The following VPS13B variants were observed in gnomAD, a reference collection of about 807,000 sequenced individuals.
VPS13B encodes the protein intermembrane lipid transfer protein VPS13B.
In VPS13B, 285 loss-of-function variants were observed where a neutral mutation model predicts 426.4. The ratio of observed to expected loss-of-function variants is 0.67; its 90% CI spans 0.61 to 0.74. The LOEUF (loss-of-function observed/expected upper bound fraction) is 0.74, where lower values mean the gene tolerates loss of function less well. Among genes scored for constraint, VPS13B ranks in the 30% least tolerant of loss-of-function variants. The pLI is 0.00. For synonymous variants in VPS13B, 1,676 were observed against 1,676.4 expected (o/e 1.00, Z 0.01); for missense variants, 4,537 against 4,782.6 (o/e 0.95, Z 1.51).
intron 3 of VPS13B, among the ~76,000 whole-genome samples, chr8:99,063,464 A>C (rs545519674): frequency 4.6e-5 from 7 of 152,318 alleles, no homozygotes; most frequent in Non-Finnish European, 7.4e-5. Context: ...AGCCTTGCTC[A>C]CTGCTAGTGC....
intron 3 of VPS13B, among the ~76,000 whole-genome samples, chr8:99,049,274 A>G (rs183218499): frequency 4.3e-4 from 65 of 152,096 alleles, no homozygotes; most frequent in African/African-American, 1.3e-3. Flanking sequence ...TTATGCTTTA[A>G]AGAGGCTCTG....
At position 99,232,941 on chromosome 8, in the gene VPS13B, G is replaced by C. The variant is rs1296102270; in HGVS notation, c.2515+39884G>C. 6.5e-6 allele frequency: 4 copies of C among 616,962 alleles called. No individual in the cohort carries two copies. In the Admixed American group the frequency reaches 1.1e-4, roughly 18 times the overall value. The allele number at this position is 616,962 out of a possible 1,614,324, so 38.2% of individuals were successfully genotyped here. A position where few individuals can be genotyped will look rare whatever the true frequency, so the allele number is the denominator to read the frequency against. ...GCCTCCGCAGACTTCTCATTCCTCA[G>C]ATGGTCTTTGGTTTGCTTCCGATCT... On this transcript the variant is annotated intron_variant, in intron 17 of 61. Coordinates refer to ENST00000357162, the MANE Select transcript of VPS13B (RefSeq NM_152564.5).
At chr8:99,669,529 TCA>T (rs1286851767) in intron 35 of VPS13B, among the ~76,000 whole-genome samples, 19 of 152,166 alleles carry the variant, frequency 1.2e-4, no homozygotes, top group African/African-American at 4.6e-4. Flanking sequence ...CATGTCACAT[TCA>T]TCATATAATT....
At chr8:99,735,537 T>C (rs1326868581) in intron 39 of VPS13B, among the ~76,000 whole-genome samples, 2 of 152,060 alleles carry the variant, frequency 1.3e-5, no homozygotes, top group African/African-American at 4.8e-5. Flanking sequence ...CACCAGAAAC[T>C]AGGAAGAGAC....
intron 14 of VPS13B, among the ~76,000 whole-genome samples, chr8:99,154,166 T>G (rs1458128753): frequency 1.3e-5 from 2 of 151,790 alleles, no homozygotes; most frequent in South Asian, 2.1e-4. Flanking sequence ...TTTGTTTTTT[T>G]TTTTGGCATT....
At position 99,614,252 on chromosome 8, in the gene VPS13B, T is replaced by TACACAC. The variant is rs146295745; in HGVS notation, c.5221-27543_5221-27538dup. 3.5e-4 allele frequency among the ~76,000 whole-genome samples: 52 copies of TACACAC among 150,350 alleles called. 1 individual carries two copies. The highest frequency in any genetic ancestry group is 2.0e-3 in the East Asian group (10 of 5,098). On this transcript the variant is annotated intron_variant, in intron 33 of 61. Coordinates refer to ENST00000357162, the MANE Select transcript of VPS13B (RefSeq NM_152564.5). ...AAAATAGTTTTTATTTTAAATTTTATACACACACACACACACACACATATA... is the reference window on the plus strand; with the variant it reads ...AAAATAGTTTTTATTTTAAATTTTATACACACACACACACACACACACACACATATA...
chr8:99,297,535 G>GCTGA (rs10644296), intron 19 of VPS13B, among the ~76,000 whole-genome samples: 125,317 of 151,784 alleles, frequency 0.83, 52,243 homozygotes, highest in South Asian at 0.89. Context: ...AAAATCATGT[G>GCTGA]CTAATTCTTT....
chr8:99,054,810 A>C (rs1266592690), intron 3 of VPS13B, among the ~76,000 whole-genome samples: 2 of 152,288 alleles, frequency 1.3e-5, no homozygotes, highest in South Asian at 4.1e-4. Context: ...TTGGTGGTCC[A>C]AGCACTATTT....
intron 19 of VPS13B, among the ~76,000 whole-genome samples, chr8:99,312,359 G>T (rs1821035512): frequency 6.6e-6 from 1 of 152,146 alleles, no homozygotes. Context: ...TTTAGGGCAG[G>T]CCTGGTGGTG....
chr8:99,714,045 C>T (rs1588647892), intron 36 of VPS13B, among the ~76,000 whole-genome samples: 1 of 148,986 alleles, frequency 6.7e-6, no homozygotes, highest in East Asian at 2.0e-4. Flanking sequence ...GAGGCTGAGG[C>T]AGGGAATCGC....
chr8:99,143,898 A>G (rs1810562365), intron 13 of VPS13B, among the ~76,000 whole-genome samples: 1 of 152,182 alleles, frequency 6.6e-6, no homozygotes, highest in African/African-American at 2.4e-5. Flanking sequence ...AGTAAAGACT[A>G]TACATTTAAG....
rs1235514273 is a variant in VPS13B, at chr8:99,326,017, A to G, written c.2824+50763A>G. 2.0e-5 allele frequency among the ~76,000 whole-genome samples: 3 copies of G among 152,266 alleles called. No individual in the cohort carries two copies. The East Asian group carries it at 5.8e-4, about 29-fold the overall frequency. On this transcript the variant is annotated intron_variant, in intron 19 of 61. Coordinates refer to ENST00000357162, the MANE Select transcript of VPS13B (RefSeq NM_152564.5). ...AAAGCTGTACCTTAATGATTGGTTT[A>G]CTTACATACCCTTGTAACCAGTTTA...
chr8:99,028,423 G>T (rs1338079450), intron 2 of VPS13B, among the ~76,000 whole-genome samples: 1 of 143,322 alleles, frequency 7.0e-6, no homozygotes, highest in African/African-American at 2.6e-5. Context: ...CGGACGGGGC[G>T]GCTGGCGGGG....
intron 30 of VPS13B, among the ~76,000 whole-genome samples, chr8:99,530,148 T>G (rs1318831354): frequency 6.6e-6 from 1 of 152,238 alleles, no homozygotes; most frequent in Non-Finnish European, 1.5e-5. Flanking sequence ...ACTCTATTTT[T>G]AATTTTTAAA....
chr8:99,020,442 T>C (rs1841828720), intron 2 of VPS13B, among the ~76,000 whole-genome samples: 1 of 152,210 alleles, frequency 6.6e-6, no homozygotes, highest in South Asian at 2.1e-4. Flanking sequence ...AGTGGCATCT[T>C]ACTCTATAAT....
intron 19 of VPS13B, among the ~76,000 whole-genome samples, chr8:99,351,331 T>G: frequency 6.6e-6 from 1 of 152,230 alleles, no homozygotes; most frequent in Admixed American, 6.5e-5. Flanking sequence ...TTTATGGTTC[T>G]GAAAAGGAAA....
intron 36 of VPS13B, among the ~76,000 whole-genome samples, chr8:99,712,451 T>C (rs894973535): frequency 6.6e-6 from 1 of 152,158 alleles, no homozygotes; most frequent in Admixed American, 6.5e-5. Context: ...CCCATAAAGT[T>C]CCCCATCCTG....
chr8:99,022,124 T>C (rs1420718880), intron 2 of VPS13B, among the ~76,000 whole-genome samples: 2 of 151,940 alleles, frequency 1.3e-5, no homozygotes, highest in South Asian at 2.1e-4. Flanking sequence ...TCATTTATTT[T>C]TGTTCTTATT....
intron 15 of VPS13B, among the ~76,000 whole-genome samples, chr8:99,166,673 A>G (rs1266112910): frequency 2.0e-5 from 3 of 152,192 alleles, no homozygotes; most frequent in African/African-American, 7.2e-5. Flanking sequence ...TGCAGACTCT[A>G]TTACAATTCC....
Sources: allele counts gnomAD v4.1 joint callset (sites outside exome capture counted in the v4.1 genomes callset), GRCh38; gene constraint gnomAD v4.1.1; transcripts MANE v1.5; gene names NCBI Gene and HGNC (gene_info 2026-07-23, HGNC 2026-07-21).